Variants in INPP4B observed in about 807,000 individuals in gnomAD.
INPP4B encodes inositol polyphosphate 4-phosphatase type II.
A neutral mutation model predicts 122.5 loss-of-function variants in INPP4B; 55 were observed. That is an observed-to-expected ratio of 0.45 (90% confidence interval 0.36 to 0.56). The LOEUF (loss-of-function observed/expected upper bound fraction) is 0.56, where lower values mean the gene tolerates loss of function less well. Ranked by LOEUF, INPP4B falls within the 20% of genes least tolerant of loss-of-function variation. The pLI, the probability that INPP4B is intolerant of heterozygous loss-of-function variation, is 0.00. For synonymous variants in INPP4B, 403 were observed against 388.7 expected (o/e 1.04, Z -0.43); for missense variants, 1,000 against 1,097.7 (o/e 0.91, Z 1.26).
intron 2 of INPP4B, among the ~76,000 whole-genome samples, chr4:142,528,851 T>C (rs948996212): frequency 1.3e-5 from 2 of 152,252 alleles, no homozygotes; most frequent in South Asian, 2.1e-4. Flanking sequence ...ATGTGCAGAA[T>C]TGAGTATTTC....
intron 7 of INPP4B, among the ~76,000 whole-genome samples, chr4:142,351,717 T>A (rs566502904): frequency 6.6e-6 from 1 of 152,130 alleles, no homozygotes; most frequent in Non-Finnish European, 1.5e-5. Context: ...TGAACATGGC[T>A]ATTAAAGTCA....
intron 15 of INPP4B, among the ~76,000 whole-genome samples, chr4:142,190,717 AGTGT>A (rs374099702): frequency 2.2e-4 from 31 of 143,996 alleles, no homozygotes; most frequent in African/African-American, 6.9e-4. Context: ...GATCTGTAAG[AGTGT>A]GTGTGTGTGT....
chr4:142,134,455 A>G (rs1802936096), intron 18 of INPP4B, among the ~76,000 whole-genome samples: 1 of 152,210 alleles, frequency 6.6e-6, no homozygotes, highest in African/African-American at 2.4e-5. Context: ...TCATAATTCA[A>G]AAATGTTATT....
intron 2 of INPP4B, chr4:142,566,318 G>A (rs1364989083): frequency 6.6e-6 from 1 of 152,160 alleles, no homozygotes; most frequent in Non-Finnish European, 1.5e-5. Flanking sequence ...CATAGAAATG[G>A]AGAAAAGGAA....
chr4:142,160,448 G>T lies in INPP4B; in HGVS notation c.1473C>A (p.Ser491Arg), dbSNP rs750996045. ...GGTCTTGGGGACTGCTCTCCTCTGT[G>T]CTGCTCTTAGGAGAGGGTGGCTTCT... ...ILKKPPSPKS[S>R]TEESSPQDQP... The change falls in exon 17 of 26, where the codon AGC becomes AGA. Residue 491 changes from serine to arginine, a missense_variant. By Grantham distance (110) the Ser-to-Arg change is moderately radical. Transcript: ENST00000262992. 2.4e-5 allele frequency: 39 copies of T among 1,612,432 alleles called. No homozygotes were observed. The highest frequency in any genetic ancestry group is 3.3e-5 in the Non-Finnish European group (39 of 1,179,010).
At chr4:142,115,073 C>G (rs1792387955) in intron 21 of INPP4B, among the ~76,000 whole-genome samples, 2 of 151,692 alleles carry the variant, frequency 1.3e-5, no homozygotes, top group Admixed American at 1.3e-4. Context: ...GATGGAAGAT[C>G]AAATGAATGA....
At chr4:142,655,422 A>G (rs1753939310) in intron 2 of INPP4B, among the ~76,000 whole-genome samples, 1 of 152,194 alleles carries the variant, frequency 6.6e-6, no homozygotes, top group African/African-American at 2.4e-5. Flanking sequence ...GACCTGGCCC[A>G]AGTCTAAGTA....
chr4:142,578,786 T>C (rs887105849), intron 2 of INPP4B, among the ~76,000 whole-genome samples: 8 of 152,060 alleles, frequency 5.3e-5, no homozygotes, highest in Non-Finnish European at 1.0e-4. Flanking sequence ...TTAGAAATAA[T>C]ACAACACGAA....
At chr4:142,205,726 C>T (rs1842340658) in intron 14 of INPP4B, among the ~76,000 whole-genome samples, 1 of 152,152 alleles carries the variant, frequency 6.6e-6, no homozygotes, top group Non-Finnish European at 1.5e-5. Flanking sequence ...AGGGCTGTTA[C>T]ACTCTAAAAT....
chr4:142,377,662 T>C (rs920618142), intron 7 of INPP4B, among the ~76,000 whole-genome samples: 1 of 152,134 alleles, frequency 6.6e-6, no homozygotes, highest in Non-Finnish European at 1.5e-5. Flanking sequence ...ATGGAAAATA[T>C]GAGCATTCAT....
At chr4:142,030,032 C>A in intron 25 of INPP4B, 2 of 1,370,548 alleles carry the variant, frequency 1.5e-6, no homozygotes, top group East Asian at 2.6e-5. Context: ...TTTTTAAATT[C>A]TGTGAATTTG....
intron 2 of INPP4B, among the ~76,000 whole-genome samples, chr4:142,640,817 A>G (rs984608759): frequency 2.0e-5 from 3 of 152,068 alleles, no homozygotes; most frequent in African/African-American, 7.2e-5. Context: ...AATCATATGA[A>G]AAAGTACTCA....
chr4:142,203,661 G>T (rs191690370), intron 14 of INPP4B, among the ~76,000 whole-genome samples: 102 of 152,034 alleles, frequency 6.7e-4, no homozygotes, highest in African/African-American at 2.3e-3. Flanking sequence ...TTAACTGCAG[G>T]TTATTCCATT....
At chr4:142,648,578 A>G (rs1478008839) in intron 2 of INPP4B, among the ~76,000 whole-genome samples, 3 of 152,210 alleles carry the variant, frequency 2.0e-5, no homozygotes, top group Non-Finnish European at 4.4e-5. Context: ...CAGTGCAGCA[A>G]TATGAGATGA....
chr4:142,550,569 A>T lies in INPP4B; in HGVS notation c.-190-87843T>A, dbSNP rs1420818017. ...TCCTATCTCTTGATCTCTCACTTTCATCATTATATATGTAATATATACACA... is the reference window on the plus strand; with the variant it reads ...TCCTATCTCTTGATCTCTCACTTTCTTCATTATATATGTAATATATACACA... On this transcript the variant is annotated intron_variant, in intron 2 of 25. Coordinates refer to ENST00000262992, the MANE Select transcript of INPP4B (RefSeq NM_001101669.3). 3.3e-5 allele frequency among the ~76,000 whole-genome samples: 5 copies of T among 149,990 alleles called. No individual in the cohort carries two copies. The East Asian group carries it at 7.7e-4, about 23-fold the overall frequency.
At chr4:142,094,688 T>G (rs1455130616) in intron 23 of INPP4B, among the ~76,000 whole-genome samples, 1 of 152,146 alleles carries the variant, frequency 6.6e-6, no homozygotes, top group African/African-American at 2.4e-5. Context: ...TGGAAGGAAT[T>G]AAATCACAAA....
intron 10 of INPP4B, among the ~76,000 whole-genome samples, chr4:142,264,920 A>G (rs534623434): frequency 6.6e-6 from 1 of 152,148 alleles, no homozygotes; most frequent in South Asian, 2.1e-4. Context: ...AGAAGATACC[A>G]AAACACTCCC....
intron 3 of INPP4B, among the ~76,000 whole-genome samples, chr4:142,432,846 A>C (rs905671258): frequency 6.6e-6 from 1 of 152,160 alleles, no homozygotes; most frequent in Admixed American, 6.6e-5. Flanking sequence ...GAATCCTAGC[A>C]AAATAACACC....
chr4:142,169,532 C>T (rs981909656), intron 16 of INPP4B, among the ~76,000 whole-genome samples: 1 of 151,602 alleles, frequency 6.6e-6, no homozygotes, highest in Admixed American at 6.6e-5. Flanking sequence ...TTATAGAAAA[C>T]AACATTGCTT....
Sources: gnomAD v4.1 joint callset for allele counts (sites outside exome capture counted in the v4.1 genomes callset) on GRCh38, gnomAD v4.1.1 for gene constraint, MANE v1.5 for transcripts, NCBI Gene and HGNC (gene_info 2026-07-23, HGNC 2026-07-21) for gene names.